TP63: variants seen among roughly 807,000 people sequenced by gnomAD.
TP63 encodes tumor protein p63.
A neutral mutation model predicts 82.8 loss-of-function variants in TP63; 17 were observed. The ratio of observed to expected loss-of-function variants is 0.21; its 90% CI spans 0.14 to 0.31. The LOEUF (loss-of-function observed/expected upper bound fraction) is 0.31, where lower values mean the gene tolerates loss of function less well. Among genes scored for constraint, TP63 ranks in the 10% least tolerant of loss-of-function variants. The pLI, the probability that TP63 is intolerant of heterozygous loss-of-function variation, is 1.00. For synonymous variants in TP63, 330 were observed against 321.7 expected (o/e 1.03, Z -0.28); for missense variants, 648 against 895.3 (o/e 0.72, Z 3.52).
the TP63 span, among the ~76,000 whole-genome samples, chr3:189,619,625 C>T: frequency 3.3e-5 from 5 of 152,152 alleles, no homozygotes; most frequent in African/African-American, 7.2e-5. Context: ...TTCAATATCC[C>T]TCTTCAAGGT....
intron 1 of TP63, among the ~76,000 whole-genome samples, chr3:189,682,587 T>G (rs1716073807): frequency 7.4e-6 from 1 of 135,524 alleles, no homozygotes; most frequent in Non-Finnish European, 1.6e-5. Flanking sequence ...TATATATATA[T>G]ATATATATCC....
At chr3:189,819,037 G>A (rs990133791) in intron 4 of TP63, among the ~76,000 whole-genome samples, 1 of 152,134 alleles carries the variant, frequency 6.6e-6, no homozygotes, top group Non-Finnish European at 1.5e-5. Flanking sequence ...TTTGGAAGAC[G>A]GTGGATAGTT....
At chr3:189,783,788 A>G (rs1372443438) in intron 3 of TP63, among the ~76,000 whole-genome samples, 1 of 151,872 alleles carries the variant, frequency 6.6e-6, no homozygotes, top group East Asian at 1.9e-4. Flanking sequence ...TTTTTCATTT[A>G]TAAAGTTGGA....
intron 3 of TP63, among the ~76,000 whole-genome samples, chr3:189,771,315 A>ATAT (rs1723333786): frequency 7.2e-6 from 1 of 138,190 alleles, no homozygotes; most frequent in African/African-American, 2.7e-5. Context: ...TATATAATAT[A>ATAT]TTATATATTT....
chr3:189,738,050 C>T (rs572102829), intron 2 of TP63, among the ~76,000 whole-genome samples, 182 bp downstream of exon 2: 4 of 152,222 alleles, frequency 2.6e-5, no homozygotes, highest in South Asian at 2.1e-4. Flanking sequence ...ATTTCTAACA[C>T]CAAAAGATCC....
chr3:189,644,988 G>C (rs767672064), intron 1 of TP63, among the ~76,000 whole-genome samples: 1 of 151,316 alleles, frequency 6.6e-6, no homozygotes, highest in Non-Finnish European at 1.5e-5. Context: ...GTTTGAGACA[G>C]AGCAACAGAG....
At chr3:189,877,282 G>A (rs758356702) in intron 10 of TP63, among the ~76,000 whole-genome samples, 11 of 152,106 alleles carry the variant, frequency 7.2e-5, no homozygotes, top group Non-Finnish European at 1.3e-4. Flanking sequence ...AAGACAAATC[G>A]GACCCTATCT....
intron 3 of TP63, among the ~76,000 whole-genome samples, chr3:189,793,918 A>G (rs1725426803): frequency 6.6e-6 from 1 of 152,112 alleles, no homozygotes; most frequent in Admixed American, 6.6e-5. Context: ...TGGAACCTAC[A>G]AATGGTATCC....
At chr3:189,823,860 C>G (rs1729053497) in intron 4 of TP63, among the ~76,000 whole-genome samples, 1 of 152,148 alleles carries the variant, frequency 6.6e-6, no homozygotes, top group Admixed American at 6.5e-5. Flanking sequence ...ATAGAGGCAG[C>G]AGGTATACCT....
At chr3:189,676,960 C>A (rs1409328371) in intron 1 of TP63, among the ~76,000 whole-genome samples, 1 of 151,940 alleles carries the variant, frequency 6.6e-6, no homozygotes, top group Non-Finnish European at 1.5e-5. Context: ...TAAGCAATTT[C>A]TCATCCCTCA....
chr3:189,646,308 C>T (rs1460176257), intron 1 of TP63, among the ~76,000 whole-genome samples: 2 of 146,854 alleles, frequency 1.4e-5, no homozygotes, highest in East Asian at 4.7e-4. Context: ...TTTTGGTCTT[C>T]TCTGTAGGTG....
chr3:189,694,952 C>A (rs1479021672), intron 1 of TP63, among the ~76,000 whole-genome samples: 1 of 151,124 alleles, frequency 6.6e-6, no homozygotes, highest in Admixed American at 6.6e-5. Context: ...ATTACACACG[C>A]CCGCCACCAC....
chr3:189,767,924 G>T (rs555603404), intron 3 of TP63, among the ~76,000 whole-genome samples: 2 of 151,970 alleles, frequency 1.3e-5, no homozygotes, highest in African/African-American at 4.8e-5. Context: ...TGTCAGTTTC[G>T]TCACTTACAA....
intron 1 of TP63, among the ~76,000 whole-genome samples, chr3:189,711,493 G>T (rs1223961980): frequency 6.6e-6 from 1 of 152,148 alleles, no homozygotes; most frequent in Non-Finnish European, 1.5e-5. Context: ...AGTGCCACAG[G>T]AACGTGGGGA....
intron 1 of TP63, among the ~76,000 whole-genome samples, chr3:189,675,305 A>G (rs748686816): frequency 1.6e-4 from 24 of 152,118 alleles, no homozygotes; most frequent in Non-Finnish European, 3.2e-4. Context: ...AGATACAAAC[A>G]TTAAGATCAT....
At chr3:189,679,257 T>A (rs925350359) in intron 1 of TP63, among the ~76,000 whole-genome samples, 1 of 152,060 alleles carries the variant, frequency 6.6e-6, no homozygotes, top group Non-Finnish European at 1.5e-5. Flanking sequence ...CCACCAACAA[T>A]AGGTTTGCTT....
intron 4 of TP63, among the ~76,000 whole-genome samples, chr3:189,809,061 A>G (rs1727249831): frequency 6.6e-6 from 1 of 152,102 alleles, no homozygotes; most frequent in African/African-American, 2.4e-5. Flanking sequence ...AGTAAATTGT[A>G]TAATGTCTTA....
intron 1 of TP63, among the ~76,000 whole-genome samples, chr3:189,678,384 G>C (rs1391094794): frequency 6.6e-6 from 1 of 151,900 alleles, no homozygotes; most frequent in Non-Finnish European, 1.5e-5. Context: ...TTGAAGATAA[G>C]TTGGTTGTAG....
At chr3:189,687,229 CACTTGATTT>C (rs1268313652) in intron 1 of TP63, among the ~76,000 whole-genome samples, 1 of 152,094 alleles carries the variant, frequency 6.6e-6, no homozygotes, top group African/African-American at 2.4e-5. Flanking sequence ...AAATCAGCTC[CACTTGATTT>C]GACTCAGTTA....
Sources: allele counts gnomAD v4.1 joint callset (sites outside exome capture counted in the v4.1 genomes callset), GRCh38; gene constraint gnomAD v4.1.1; transcripts MANE v1.5; gene names NCBI Gene and HGNC (gene_info 2026-07-23, HGNC 2026-07-21).